The following DISC1 variants were observed in gnomAD, a reference collection of about 807,000 sequenced individuals.
The protein encoded by DISC1 is DISC1 scaffold protein.
In DISC1, 57 loss-of-function variants were observed where a neutral mutation model predicts 84.5. That is an observed-to-expected ratio of 0.67 (90% CI 0.55 to 0.84). The LOEUF is 0.84. Among genes scored for constraint, DISC1 ranks in the 40% least tolerant of loss-of-function variants. The pLI is 0.00. For synonymous variants in DISC1, 411 were observed against 415.2 expected, an observed-to-expected ratio of 0.99 and a Z score of 0.12; for missense variants, 1,000 against 1,057.8, an observed-to-expected ratio of 0.95 and a Z score of 0.76.
chr1:231,659,053 T>C (rs1054807675), intron 1 of DISC1, among the ~76,000 whole-genome samples: 1 of 152,174 alleles, frequency 6.6e-6, no homozygotes, highest in Admixed American at 6.5e-5. Flanking sequence ...TCAGTCAAAA[T>C]GATACCCCTT....
intron 8 of DISC1, among the ~76,000 whole-genome samples, chr1:231,812,403 G>A (rs1309034006): frequency 6.6e-6 from 1 of 152,078 alleles, no homozygotes; most frequent in East Asian, 1.9e-4. Flanking sequence ...AACAGAGTGG[G>A]TAAAGTCAGC....
chr1:231,659,975 A>C (rs1025821273), intron 1 of DISC1, among the ~76,000 whole-genome samples: 2 of 152,196 alleles, frequency 1.3e-5, no homozygotes, highest in South Asian at 4.1e-4. Flanking sequence ...AATTCTGTAG[A>C]TATCTATCAG....
intron 1 of DISC1, among the ~76,000 whole-genome samples, chr1:231,656,283 A>G (rs2061058805): frequency 6.6e-6 from 1 of 152,198 alleles, no homozygotes; most frequent in Admixed American, 6.5e-5. Flanking sequence ...ATAGAGATCC[A>G]GTTTCATTCT....
At chr1:231,840,697 T>G (rs568904041) in intron 9 of DISC1, among the ~76,000 whole-genome samples, 105 of 131,170 alleles carry the variant, frequency 8.0e-4, no homozygotes, top group Non-Finnish European at 1.1e-3. Context: ...TTTTTATTTG[T>G]TTTTTTTTTT....
chr1:231,762,438 G>C (rs1285619694), intron 4 of DISC1, among the ~76,000 whole-genome samples: 1 of 150,964 alleles, frequency 6.6e-6, no homozygotes, highest in African/African-American at 2.4e-5. Flanking sequence ...GGGCTCAAGT[G>C]ATCCTGCCAC....
chr1:231,833,396 CACTG>C (rs1161882104), intron 9 of DISC1, among the ~76,000 whole-genome samples: 1 of 151,578 alleles, frequency 6.6e-6, no homozygotes, highest in Non-Finnish European at 1.5e-5. Context: ...ACTTACCCTC[CACTG>C]TGAGAGTTAC....
At chr1:231,979,578 A>G (rs1663309292) in intron 10 of DISC1, among the ~76,000 whole-genome samples, 10 of 151,214 alleles carry the variant, frequency 6.6e-5, no homozygotes, top group Admixed American at 6.6e-4. Flanking sequence ...TTTTGGTTCC[A>G]AATATCCTCA....
intron 9 of DISC1, among the ~76,000 whole-genome samples, chr1:231,861,394 C>A (rs141403661): frequency 0.053 from 7,898 of 150,416 alleles, 688 homozygotes; most frequent in African/African-American, 0.18. Context: ...GGCCTCCCAA[C>A]GTGCTGAGAT....
chr1:232,035,308 G>A (rs1670413292), intron 12 of DISC1, among the ~76,000 whole-genome samples: 1 of 152,158 alleles, frequency 6.6e-6, no homozygotes, highest in Non-Finnish European at 1.5e-5. Context: ...AAATTAGCAT[G>A]GTGGCACACA....
At chr1:231,688,615 A>C (rs911932363) in intron 1 of DISC1, among the ~76,000 whole-genome samples, 5 of 151,584 alleles carry the variant, frequency 3.3e-5, no homozygotes, top group African/African-American at 1.2e-4. Context: ...AACTGAGCTA[A>C]CCAGGTTCCT....
At chr1:231,813,759 G>C (rs897631784) in intron 8 of DISC1, among the ~76,000 whole-genome samples, 1 of 152,128 alleles carries the variant, frequency 6.6e-6, no homozygotes, top group Non-Finnish European at 1.5e-5. Context: ...CTGGGTTCCT[G>C]TTTCTTCTTT....
intron 9 of DISC1, among the ~76,000 whole-genome samples, chr1:231,881,749 A>G (rs916777652): frequency 2.4e-5 from 3 of 126,596 alleles, no homozygotes; most frequent in African/African-American, 8.8e-5. Context: ...AACTATGCCG[A>G]TCAGTCAAAG....
At chr1:231,953,315 T>G (rs924846100) in intron 9 of DISC1, among the ~76,000 whole-genome samples, 3 of 152,220 alleles carry the variant, frequency 2.0e-5, no homozygotes, top group African/African-American at 7.2e-5. Context: ...TGCCCTTCAG[T>G]GTGAAATTTC....
chr1:231,772,394 G>A (rs998230137), intron 6 of DISC1, among the ~76,000 whole-genome samples: 3 of 152,144 alleles, frequency 2.0e-5, no homozygotes, highest in Non-Finnish European at 4.4e-5. Context: ...GGGTAGAGCC[G>A]GGAGTGGGAG....
chr1:231,684,492 C>T (rs1387299521), intron 1 of DISC1, among the ~76,000 whole-genome samples: 5 of 151,924 alleles, frequency 3.3e-5, no homozygotes, highest in Admixed American at 3.3e-4. Context: ...TGCATTTTTT[C>T]CTATGTATTG....
chr1:231,654,529 A>G (rs1357501393), intron 1 of DISC1, among the ~76,000 whole-genome samples: 3 of 152,148 alleles, frequency 2.0e-5, no homozygotes, highest in Non-Finnish European at 2.9e-5. Context: ...ATTATTAACT[A>G]TAGTCACCAT....
chr1:231,629,077 C>T (rs1180632486), intron 1 of DISC1, among the ~76,000 whole-genome samples: 1 of 152,172 alleles, frequency 6.6e-6, no homozygotes, highest in Non-Finnish European at 1.5e-5. Context: ...TAAGAGTGAA[C>T]TGTTAATCCT....
At chr1:231,964,820 T>A (rs1660879851) in intron 10 of DISC1, among the ~76,000 whole-genome samples, 1 of 152,240 alleles carries the variant, frequency 6.6e-6, no homozygotes, top group Admixed American at 6.5e-5. Context: ...AAGTTATCCA[T>A]TAAAGAAGAT....
At position 231,694,549 on chromosome 1, in the gene DISC1, G is replaced by A. The variant is rs3738401; in HGVS notation, c.791G>A (p.Arg264Gln). The A allele has an allele frequency of 0.31, 494,135 of 1,613,978 alleles. 77,384 individuals carry two copies. Among genetic ancestry groups the A allele is most frequent in the Admixed American group, 0.34 (20,701 of 60,004 alleles). The change falls in exon 2 of 13, where the codon CGG (arginine) becomes CAG (glutamine). Residue 264 changes from arginine (R) to glutamine (Q), a missense_variant. Physicochemically the swap from Arg to Gln is conservative, Grantham distance 43. This residue lies in a region of DISC1 where 311 missense variants were observed against 400.1 expected (regional missense o/e 0.78). Transcript: ENST00000439617. Reference sequence around the variant, plus strand: ...CACGAGGACCCGCGATGTCTCTCTCGGCCCTTCAGTCTCTTGGCTACACGG... The same window carrying A: ...CACGAGGACCCGCGATGTCTCTCTCAGCCCTTCAGTCTCTTGGCTACACGG... ...GPHEDPRCLS[R>Q]PFSLLATRVS... is the part of the protein sequence containing the mutation.
Sources: gnomAD v4.1 joint callset for allele counts (sites outside exome capture counted in the v4.1 genomes callset) on GRCh38, gnomAD v4.1.1 for gene constraint, gnomAD v4.1.1 regional missense constraint, MANE v1.5 for transcripts, NCBI Gene and HGNC (gene_info 2026-07-23, HGNC 2026-07-21) for gene names.